OPRM1: variants seen among roughly 807,000 people sequenced by gnomAD.
OPRM1 encodes mu-type opioid receptor.
Under a neutral mutation model 31.8 loss-of-function variants are expected in OPRM1, and 27 were observed. The ratio of observed to expected loss-of-function variants is 0.85; its 90% CI spans 0.63 to 1.17. The LOEUF (loss-of-function observed/expected upper bound fraction) is 1.17, where lower values mean the gene tolerates loss of function less well. Ranked by LOEUF, OPRM1 falls within the 50% of genes most tolerant of loss-of-function variation. The probability of loss-of-function intolerance (pLI) is 0.00; values close to 1 mark genes in which losing one functional copy is unlikely to be tolerated. For missense variants in OPRM1, 536 were observed against 511.1 expected (o/e 1.05, Z -0.47); for synonymous variants, 196 against 189.9 (o/e 1.03, Z -0.26).
chr6:154,056,735 T>C (rs1783383770), intron 1 of OPRM1, among the ~76,000 whole-genome samples: 1 of 152,028 alleles, frequency 6.6e-6, no homozygotes, highest in Non-Finnish European at 1.5e-5. Flanking sequence ...CAGTGAGAGG[T>C]TGAGCTTTTT....
intron 3 of OPRM1, among the ~76,000 whole-genome samples, chr6:154,107,253 C>G (rs763167716): frequency 3.3e-5 from 5 of 152,126 alleles, no homozygotes; most frequent in East Asian, 3.9e-4. Context: ...TTTGAATGTC[C>G]GCTTTTAATT....
chr6:154,108,917 TC>T, intron 3 of OPRM1: 1 of 984,944 alleles, frequency 1.0e-6, no homozygotes, highest in Non-Finnish European at 1.2e-6. Context: ...AGTCCAAAAA[TC>T]CAACTATAGA....
intron 3 of OPRM1, among the ~76,000 whole-genome samples, chr6:154,208,000 A>G (rs1777639275): frequency 6.6e-6 from 1 of 152,164 alleles, no homozygotes; most frequent in Non-Finnish European, 1.5e-5. Flanking sequence ...CATCTTTTGC[A>G]ATAGCTTACT....
intron 1 of OPRM1, among the ~76,000 whole-genome samples, chr6:154,031,787 T>C (rs1449245561): frequency 6.6e-6 from 1 of 151,900 alleles, no homozygotes; most frequent in Admixed American, 6.6e-5. Flanking sequence ...ATATCTACTG[T>C]GTGCTAGAGG....
At chr6:154,055,637 AT>A (rs1310264495) in intron 1 of OPRM1, among the ~76,000 whole-genome samples, 1 of 152,176 alleles carries the variant, frequency 6.6e-6, no homozygotes, top group Non-Finnish European at 1.5e-5. Flanking sequence ...GTTTCTTGTC[AT>A]TCTTCTCTTC....
chr6:154,219,578 C>T (rs1210816386), intron 3 of OPRM1, among the ~76,000 whole-genome samples: 1 of 152,126 alleles, frequency 6.6e-6, no homozygotes, highest in Non-Finnish European at 1.5e-5. Flanking sequence ...TTGTGCCTTC[C>T]ACATCCCACT....
At chr6:154,102,497 G>A (rs1261043744) in intron 3 of OPRM1, among the ~76,000 whole-genome samples, 1 of 151,906 alleles carries the variant, frequency 6.6e-6, no homozygotes, top group Non-Finnish European at 1.5e-5. Context: ...CTTGTAAATA[G>A]CATTTAAAAG....
chr6:154,126,773 T>C lies in OPRM1; in HGVS notation c.*8052T>C, dbSNP rs1797607728. ...AAGGTTCTCCAAGCAGAGGTAAACA[T>C]GTGGGTCCTGCTGGTGACATATTAG... On this transcript the variant is annotated 3_prime_UTR_variant, in exon 4 of 4. Coordinates refer to ENST00000330432, the MANE Select transcript of OPRM1 (RefSeq NM_000914.5). Among the ~76,000 whole-genome samples, 1 of 152,080 alleles carries C rather than the reference T, an allele frequency of 6.6e-6. No homozygotes were observed. Among genetic ancestry groups the C allele is most frequent in the South Asian group, 2.1e-4 (1 of 4,824 alleles).
intron 3 of OPRM1, among the ~76,000 whole-genome samples, chr6:154,137,743 A>G (rs570111841): frequency 3.3e-5 from 5 of 152,348 alleles, no homozygotes; most frequent in Admixed American, 1.3e-4. Flanking sequence ...AGGAAACACC[A>G]TTTCAGCCAC....
rs200371383 is a variant in OPRM1, at chr6:154,118,889, A to T, written c.*168A>T. On this transcript the variant is annotated 3_prime_UTR_variant, in exon 4 of 4. Transcript: ENST00000330432. ...CCACTCTGCTCTGCACATTAGAGGGACAGCCAAAAGTAAGTGGAGCATTTG... is the reference window on the plus strand; with the variant it reads ...CCACTCTGCTCTGCACATTAGAGGGTCAGCCAAAAGTAAGTGGAGCATTTG... 5 of 1,439,632 alleles carry T rather than the reference A, an allele frequency of 3.5e-6. No individual in the cohort carries two copies. The African/African-American group carries it at 7.1e-5, about 20-fold the overall frequency. 89.2% of individuals were successfully genotyped at this position (1,439,632 alleles called of 1,614,324 possible).
At chr6:154,161,214 CA>C (rs1373625510) in intron 3 of OPRM1, among the ~76,000 whole-genome samples, 23 of 146,580 alleles carry the variant, frequency 1.6e-4, no homozygotes, top group African/African-American at 5.5e-4. Context: ...CTTTTCTTTT[CA>C]TTTTTTTTTT....
chr6:154,148,683 T>G (rs1798418943), intron 3 of OPRM1, among the ~76,000 whole-genome samples: 1 of 152,208 alleles, frequency 6.6e-6, no homozygotes, highest in Non-Finnish European at 1.5e-5. Flanking sequence ...CAGACCTCCT[T>G]GTCCACTATG....
At chr6:154,056,655 A>C (rs2128425429) in intron 1 of OPRM1, among the ~76,000 whole-genome samples, 1 of 152,020 alleles carries the variant, frequency 6.6e-6, no homozygotes, top group Admixed American at 6.5e-5. Context: ...CTGTGGGAAC[A>C]AGGAGATCAA....
intron 1 of OPRM1, among the ~76,000 whole-genome samples, chr6:154,013,776 T>A (rs1184401358): frequency 6.6e-6 from 1 of 152,134 alleles, no homozygotes; most frequent in East Asian, 1.9e-4. Context: ...AACCAGTATG[T>A]GTCTCCACCT....
chr6:154,149,150 G>A (rs550456693), intron 3 of OPRM1, among the ~76,000 whole-genome samples: 14 of 152,296 alleles, frequency 9.2e-5, no homozygotes, highest in African/African-American at 3.1e-4. Flanking sequence ...ATAAAGAAAA[G>A]AGGATTGATT....
intron 1 of OPRM1, among the ~76,000 whole-genome samples, chr6:154,062,646 G>A (rs889639430): frequency 2.0e-5 from 3 of 151,922 alleles, no homozygotes; most frequent in Admixed American, 6.6e-5. Flanking sequence ...ACAAATAATT[G>A]TGTAATTCTT....
chr6:154,246,361 C>G (rs939457269), intron 3 of OPRM1, among the ~76,000 whole-genome samples: 1 of 152,202 alleles, frequency 6.6e-6, no homozygotes, highest in Non-Finnish European at 1.5e-5. Context: ...TGTCGACACT[C>G]CCTTCCTCCC....
At chr6:154,087,603 C>T (rs1321676670) in intron 1 of OPRM1, 2 of 984,696 alleles carry the variant, frequency 2.0e-6, no homozygotes, top group Non-Finnish European at 2.4e-6. Context: ...AAAACTAATA[C>T]ACTCTTTGTC....
At chr6:154,035,684 G>A (rs1305309904), upstream of OPRM1, among the ~76,000 whole-genome samples, 1 of 152,062 alleles carries the variant, frequency 6.6e-6, no homozygotes, top group African/African-American at 2.4e-5. Flanking sequence ...GAATAACTAA[G>A]CCAATAGATG....
Sources: gnomAD v4.1 joint callset for allele counts (sites outside exome capture counted in the v4.1 genomes callset) on GRCh38, gnomAD v4.1.1 for gene constraint, MANE v1.5 for transcripts, NCBI Gene and HGNC (gene_info 2026-07-23, HGNC 2026-07-21) for gene names.